Variants in EPHB1 observed in about 807,000 individuals in gnomAD.
EPHB1 encodes EPH receptor B1.
EPHB1 carries 30 observed loss-of-function variants against 94.4 expected under a neutral mutation model. That is an observed-to-expected ratio of 0.32 (90% CI 0.24 to 0.43). The LOEUF is 0.43. EPHB1 is among the 20% of genes least tolerant of loss of function. EPHB1 has a pLI of 1.00. For synonymous variants in EPHB1, 522 were observed against 489.1 expected (o/e 1.07, Z -0.89); for missense variants, 1,055 against 1,308.3 (o/e 0.81, Z 2.99).
At chr3:134,973,614 T>G (rs779729389) in intron 3 of EPHB1, among the ~76,000 whole-genome samples, 22 of 152,050 alleles carry the variant, frequency 1.4e-4, no homozygotes, top group South Asian at 1.3e-3. Context: ...GTATTTTTGG[T>G]AGAGACAGGG....
chr3:135,019,654 TATCCTTCATCC>T (rs1171118537), intron 3 of EPHB1, among the ~76,000 whole-genome samples: 1 of 152,248 alleles, frequency 6.6e-6, no homozygotes, highest in Admixed American at 6.5e-5. Context: ...AGCAATTTTA[TATCCTTCATCC>T]ATTGAATATT....
intron 3 of EPHB1, among the ~76,000 whole-genome samples, chr3:134,992,705 C>G (rs39697): frequency 0.65 from 99,378 of 151,922 alleles, 34,916 homozygotes; most frequent in African/African-American, 0.9. Flanking sequence ...GGGGAGGAGA[C>G]GGGGAGCCTT....
At chr3:134,955,106 T>TTTTTTTTTTTTTTTTTTTTTTTTTCA (rs1933212646) in intron 3 of EPHB1, among the ~76,000 whole-genome samples, 1 of 18,280 alleles carries the variant, frequency 5.5e-5, no homozygotes, top group Non-Finnish European at 1.0e-4. Context: ...TTTTTTTTAA[T>TTTTTTTTTTTTTTTTTTTTTTTTTCA]TTTTTTTTTT....
At position 135,207,662 on chromosome 3, in the gene EPHB1, A is replaced by C. The variant is rs148387401; in HGVS notation, c.2346+5973A>C. Among the ~76,000 whole-genome samples the C allele has an allele frequency of 3.4e-3, 525 of 152,344 alleles. 1 individual carries two copies. The highest frequency in any genetic ancestry group is 0.011 in the African/African-American group (444 of 41,578). On this transcript the variant is annotated intron_variant, in intron 12 of 15. Coordinates refer to ENST00000398015, the MANE Select transcript of EPHB1 (RefSeq NM_004441.5). The stretch of plus-strand genomic sequence containing the variant: ...AGAGGAAGAGATGGTGCTACAGCAG[A>C]GACTTAAAGAACAGTCACTGTTTTA...
intron 3 of EPHB1, among the ~76,000 whole-genome samples, chr3:135,044,407 G>A (rs1262820597): frequency 6.6e-6 from 1 of 152,232 alleles, no homozygotes; most frequent in Non-Finnish European, 1.5e-5. Context: ...CCCTCAGCAA[G>A]CAGAGCAATT....
chr3:135,142,931 A>T (rs528957943), intron 5 of EPHB1, among the ~76,000 whole-genome samples: 1 of 152,278 alleles, frequency 6.6e-6, no homozygotes, highest in Admixed American at 6.5e-5. Context: ...CAAAGGGTGC[A>T]GGAGATGGCG....
Position 134,992,868 on chromosome 3 carries a change from C to T in EPHB1, c.805+40816C>T, listed in dbSNP as rs57699867. Among the ~76,000 whole-genome samples, 78 of 152,274 alleles carry T rather than the reference C, an allele frequency of 5.1e-4. 1 individual carries two copies. The East Asian group carries it at 0.013, about 26-fold the overall frequency. On this transcript the variant is annotated intron_variant, in intron 3 of 15. Coordinates refer to ENST00000398015, the MANE Select transcript of EPHB1 (RefSeq NM_004441.5). ...CTTCCCTGGGTGCTTGAATTCCATC[C>T]CTTCTGACCTAAACCACACTGACCC... is the stretch of plus-strand genomic sequence containing the variant.
intron 1 of EPHB1, among the ~76,000 whole-genome samples, chr3:134,909,180 A>C (rs569356772): frequency 7.9e-5 from 12 of 151,868 alleles, no homozygotes; most frequent in African/African-American, 2.4e-4. Flanking sequence ...CAGAATGCTC[A>C]GGAGGTCCTG....
chr3:135,003,878 A>T (rs1935286482), intron 3 of EPHB1, among the ~76,000 whole-genome samples: 1 of 151,534 alleles, frequency 6.6e-6, no homozygotes, highest in African/African-American at 2.4e-5. Context: ...GGGTTTCCTG[A>T]TACAGCACAC....
chr3:135,225,866 A>G (rs1488658094), intron 12 of EPHB1, among the ~76,000 whole-genome samples: 1 of 152,096 alleles, frequency 6.6e-6, no homozygotes. Flanking sequence ...AGCAAAGACC[A>G]GGGTTCTAGA....
At chr3:134,945,120 T>C (rs1048601905) in intron 2 of EPHB1, among the ~76,000 whole-genome samples, 3 of 152,232 alleles carry the variant, frequency 2.0e-5, no homozygotes, top group Non-Finnish European at 2.9e-5. Flanking sequence ...ACTTATGGAT[T>C]CTCTTTATAT....
intron 3 of EPHB1, among the ~76,000 whole-genome samples, chr3:135,001,487 G>T (rs1373156444): frequency 6.6e-6 from 1 of 152,162 alleles, no homozygotes; most frequent in Middle Eastern, 3.2e-3. Context: ...GACTTTAAAA[G>T]ATCATATGCC....
At chr3:134,974,159 A>C (rs989817993) in intron 3 of EPHB1, among the ~76,000 whole-genome samples, 1 of 152,276 alleles carries the variant, frequency 6.6e-6, no homozygotes, top group Middle Eastern at 3.4e-3. Context: ...CTCCCCAGAT[A>C]CATCTTCCTA....
At chr3:135,097,802 C>T (rs1938860638) in intron 3 of EPHB1, among the ~76,000 whole-genome samples, 1 of 152,176 alleles carries the variant, frequency 6.6e-6, no homozygotes, top group Non-Finnish European at 1.5e-5. Flanking sequence ...GCTCCAAGTG[C>T]CCAGGATGAT....
intron 5 of EPHB1, among the ~76,000 whole-genome samples, chr3:135,150,627 C>G (rs1941163749): frequency 6.6e-6 from 1 of 152,198 alleles, no homozygotes; most frequent in South Asian, 2.1e-4. Context: ...TAGGCGATCA[C>G]ACTCTCCTGG....
At chr3:134,893,629 C>A (rs1444929348) in intron 1 of EPHB1, among the ~76,000 whole-genome samples, 1 of 152,238 alleles carries the variant, frequency 6.6e-6, no homozygotes, top group Non-Finnish European at 1.5e-5. Flanking sequence ...GCCTCCTCGC[C>A]ATCATCAGGC....
At chr3:135,130,198 T>C (rs1940370503) in intron 4 of EPHB1, among the ~76,000 whole-genome samples, 1 of 151,956 alleles carries the variant, frequency 6.6e-6, no homozygotes, top group South Asian at 2.1e-4. Context: ...TCTGAGGCCA[T>C]GAGGATAGAG....
At chr3:135,236,706 A>T (rs1302840231) in intron 12 of EPHB1, among the ~76,000 whole-genome samples, 1 of 152,154 alleles carries the variant, frequency 6.6e-6, no homozygotes, top group Non-Finnish European at 1.5e-5. Context: ...GCACAACAGA[A>T]ATATTTGGTG....
intron 9 of EPHB1, among the ~76,000 whole-genome samples, chr3:135,176,261 A>G (rs908265767): frequency 6.6e-6 from 1 of 152,136 alleles, no homozygotes; most frequent in African/African-American, 2.4e-5. Context: ...ACCCTATCAG[A>G]CCTTAGGGGA....
Sources: allele counts gnomAD v4.1 joint callset (sites outside exome capture counted in the v4.1 genomes callset), GRCh38; gene constraint gnomAD v4.1.1; transcripts MANE v1.5; gene names NCBI Gene and HGNC (gene_info 2026-07-23, HGNC 2026-07-21).